MDM2: variants seen among roughly 807,000 people sequenced by gnomAD.
The protein encoded by MDM2 is E3 ubiquitin-protein ligase Mdm2.
MDM2 carries 11 observed loss-of-function variants against 64.3 expected under a neutral mutation model. The observed-to-expected ratio is 0.17, with a 90% CI of 0.11 to 0.28. The LOEUF (loss-of-function observed/expected upper bound fraction) is 0.28, where lower values mean the gene tolerates loss of function less well. Among genes scored for constraint, MDM2 ranks in the 10% least tolerant of loss-of-function variants. The probability of loss-of-function intolerance (pLI) is 1.00; values close to 1 mark genes in which losing one functional copy is unlikely to be tolerated. For synonymous variants in MDM2, 194 were observed against 192.9 expected, an observed-to-expected ratio of 1.01 and a Z score of -0.05; for missense variants, 388 against 577.1, an observed-to-expected ratio of 0.67 and a Z score of 3.36.
At chr12:68,833,409 TA>T (rs1376348496) in intron 8 of MDM2, among the ~76,000 whole-genome samples, 2 of 135,170 alleles carry the variant, frequency 1.5e-5, no homozygotes, top group Non-Finnish European at 3.1e-5. Context: ...TAAATATAAA[TA>T]TATATTTTAA....
chr12:68,810,161 A>C (rs1592565787), intron 2 of MDM2, among the ~76,000 whole-genome samples: 2 of 152,100 alleles, frequency 1.3e-5, no homozygotes. Flanking sequence ...AAAATACAAA[A>C]ATTAGTCGGG....
intron 3 of MDM2, chr12:68,814,787 A>G (rs1337483694): frequency 5.9e-6 from 1 of 169,694 alleles, no homozygotes. Context: ...ATTTTCAGTG[A>G]CAGATTGAGC....
chr12:68,808,606 G>A (rs1880572847), intron 1 of MDM2, 115 bp downstream of exon 1: 17 of 1,481,312 alleles, frequency 1.1e-5, no homozygotes, highest in Non-Finnish European at 1.6e-5. Flanking sequence ...GTGGCTGGGG[G>A]CTCGGGGCGC....
Position 68,843,713 on chromosome 12 carries a change from C to G in MDM2, c.*3864C>G, listed in dbSNP as rs896795505. ...TTGCTTCAAAACTCTCTCTCTCTCT[C>G]TCTGTCTGTCTCAATAAATGGCCAA... On this transcript the variant is annotated 3_prime_UTR_variant, in exon 11 of 11. Coordinates refer to ENST00000258149, the MANE Select transcript of MDM2 (RefSeq NM_002392.6). The G allele has an allele frequency of 4.5e-5, 10 of 222,164 alleles. No homozygotes were observed. The highest frequency in any genetic ancestry group is 1.8e-4 in the South Asian group (1 of 5,434). The allele number at this position is 222,164 out of a possible 1,614,324, so 13.8% of individuals were successfully genotyped here. A position where few individuals can be genotyped will look rare whatever the true frequency, so the allele number is the denominator to read the frequency against.
At chr12:68,817,292 C>G (rs1881465161) in intron 4 of MDM2, among the ~76,000 whole-genome samples, 1 of 152,188 alleles carries the variant, frequency 6.6e-6, no homozygotes, top group African/African-American at 2.4e-5. Flanking sequence ...TGGGCACATA[C>G]AAAGCATTCA....
chr12:68,813,275 G>A (rs535636686), intron 2 of MDM2, among the ~76,000 whole-genome samples: 3 of 152,246 alleles, frequency 2.0e-5, no homozygotes, highest in Middle Eastern at 3.4e-3. Context: ...GGATCAGTAC[G>A]GTAAGCTCAT....
rs763094430 is a variant in MDM2, at chr12:68,820,320, A to G, written c.309-5A>G. On this transcript the variant is annotated splice_region_variant and splice_polypyrimidine_tract_variant and intron_variant, in intron 4 of 10. Transcript: ENST00000258149. ...CTTGTTATTTTTTTTTTTTCTGTCT[A>G]CAAGGAAAATATATACCATGATCTA... is the stretch of plus-strand genomic sequence containing the variant. The G allele has an allele frequency of 9.2e-5, 145 of 1,578,106 alleles. 1 individual carries two copies. The highest frequency in any genetic ancestry group is 3.3e-4 in the South Asian group (28 of 85,430).
At chr12:68,816,043 A>G (rs1023821353) in intron 3 of MDM2, among the ~76,000 whole-genome samples, 12 of 152,166 alleles carry the variant, frequency 7.9e-5, no homozygotes, top group Admixed American at 7.2e-4. Context: ...ACTGTTTTGT[A>G]GCTGTCATTG....
At position 68,842,173 on chromosome 12, in the gene MDM2, A is replaced by G. The variant is rs552952565; in HGVS notation, c.*2324A>G. The G allele has an allele frequency of 2.0e-6, 1 of 488,352 alleles. No individual in the cohort carries two copies. Among genetic ancestry groups the G allele is most frequent in the East Asian group, 4.5e-5 (1 of 22,014 alleles). The allele number at this position is 488,352 out of a possible 1,614,324, so 30.3% of individuals were successfully genotyped here. A position where few individuals can be genotyped will look rare whatever the true frequency, so the allele number is the denominator to read the frequency against. On this transcript the variant is annotated 3_prime_UTR_variant, in exon 11 of 11. Coordinates refer to ENST00000258149, the MANE Select transcript of MDM2 (RefSeq NM_002392.6). ...AAATATCTGCAAGAACTATGGAATA[A>G]AACTACTGATGCAGTGAAGACAGTT...
At chr12:68,847,452 C>CTTTCT (rs1555190285), downstream of MDM2, 1 of 88,722 alleles carries the variant, frequency 1.1e-5, no homozygotes, top group African/African-American at 5.6e-5. Flanking sequence ...TATCTCCTTT[C>CTTTCT]TTTTTTTTTT....
At chr12:68,817,096 G>T in intron 4 of MDM2, 151 bp downstream of exon 4, 1 of 787,920 alleles carries the variant, frequency 1.3e-6, no homozygotes, top group Non-Finnish European at 1.9e-6. Context: ...CATATTATTT[G>T]AGAACCTGAG....
intron 1 of MDM2, 76 bp downstream of exon 1, chr12:68,808,567 T>G (rs1880568481): frequency 6.3e-7 from 1 of 1,599,010 alleles, no homozygotes; most frequent in Non-Finnish European, 8.5e-7. Context: ...GTTCCCAGCC[T>G]CTGCCCGTTC....
chr12:68,839,330 C>G lies in MDM2; in HGVS notation c.975C>G (p.Cys325Trp). Residue 325 changes from cysteine (C) to tryptophan (W), a missense_variant, in exon 11 of 11, where the codon TGC becomes TGG. By Grantham distance (215) the Cys-to-Trp change is radical (BLOSUM62 -2). This residue lies in a region of MDM2 where 138 missense variants were observed against 143.7 expected (regional missense o/e 0.96). Coordinates refer to ENST00000258149, the MANE Select transcript of MDM2 (RefSeq NM_002392.6). ...TGAATCCCCCCCTTCCATCACATTGCAACAGATGTTGGGCCCTTCGTGAGA... is the reference window on the plus strand; with the variant it reads ...TGAATCCCCCCCTTCCATCACATTGGAACAGATGTTGGGCCCTTCGTGAGA... ...NEMNPPLPSH[C>W]NRCWALRENW... 1 of 1,613,916 alleles carries G rather than the reference C, an allele frequency of 6.2e-7. No individual in the cohort carries two copies. The highest frequency in any genetic ancestry group is 1.7e-5 in the Admixed American group (1 of 59,984).
chr12:68,835,794 T>G, intron 8 of MDM2, 35 bp from the exon 9 acceptor site: 1 of 1,591,034 alleles, frequency 6.3e-7, no homozygotes, highest in African/African-American at 1.3e-5. Context: ...CAAGAGGTGA[T>G]GTTTATTAAG....
intron 4 of MDM2, among the ~76,000 whole-genome samples, chr12:68,818,646 A>G (rs1248627125): frequency 2.7e-5 from 4 of 149,814 alleles, no homozygotes; most frequent in African/African-American, 9.7e-5. Context: ...ATATCCATAT[A>G]TGTTGTCATT....
At chr12:68,819,861 A>G (rs1038966249) in intron 4 of MDM2, among the ~76,000 whole-genome samples, 8 of 152,234 alleles carry the variant, frequency 5.3e-5, no homozygotes, top group Non-Finnish European at 4.4e-5. Flanking sequence ...TTATAATCAA[A>G]TTCCTATTTA....
intron 4 of MDM2, among the ~76,000 whole-genome samples, chr12:68,819,434 T>C (rs1427294726): frequency 6.6e-6 from 1 of 152,194 alleles, no homozygotes; most frequent in African/African-American, 2.4e-5. Flanking sequence ...TGGTACGTGG[T>C]AGGTTTTCAG....
chr12:68,824,464 A>G, intron 6 of MDM2, 34 bp downstream of exon 6: 3 of 1,601,922 alleles, frequency 1.9e-6, no homozygotes, highest in Non-Finnish European at 1.7e-6. Context: ...CTAATGTAAT[A>G]TTATTTGCAA....
At chr12:68,810,470 TA>T (rs776303554) in intron 2 of MDM2, among the ~76,000 whole-genome samples, 15 of 151,072 alleles carry the variant, frequency 9.9e-5, no homozygotes, top group Non-Finnish European at 1.5e-4. Flanking sequence ...TTATTATTAT[TA>T]TTTTTTTTGA....
Sources: allele counts gnomAD v4.1 joint callset (sites outside exome capture counted in the v4.1 genomes callset), GRCh38; gene constraint gnomAD v4.1.1; regional missense constraint gnomAD v4.1.1; transcripts MANE v1.5; gene names NCBI Gene and HGNC (gene_info 2026-07-23, HGNC 2026-07-21).